Variants in BNC2 observed in about 807,000 individuals in gnomAD.
The protein encoded by BNC2 is basonuclin zinc finger protein 2.
A neutral mutation model predicts 76.3 loss-of-function variants in BNC2; 20 were observed. That is an observed-to-expected ratio of 0.26 (90% CI 0.18 to 0.38). The LOEUF is 0.38. Ranked by LOEUF, BNC2 falls within the 10% of genes least tolerant of loss-of-function variation. The pLI, the probability that BNC2 is intolerant of heterozygous loss-of-function variation, is 1.00. For synonymous variants in BNC2, 582 were observed against 514.8 expected (o/e 1.13, Z -1.77); for missense variants, 1,382 against 1,399.8 (o/e 0.99, Z 0.20).
intron 1 of BNC2, among the ~76,000 whole-genome samples, chr9:16,782,445 G>C (rs532979238): frequency 9.9e-5 from 15 of 152,216 alleles, no homozygotes; most frequent in African/African-American, 3.4e-4. Context: ...GAGCCAAAAT[G>C]AGAGTTCTAG....
At chr9:16,695,102 C>T (rs1353829905) in intron 3 of BNC2, among the ~76,000 whole-genome samples, 2 of 152,148 alleles carry the variant, frequency 1.3e-5, no homozygotes, top group East Asian at 3.9e-4. Context: ...ACATACTTTA[C>T]CCCTGAAACC....
chr9:16,586,702 A>G (rs1044526583), intron 3 of BNC2, among the ~76,000 whole-genome samples: 1 of 152,118 alleles, frequency 6.6e-6, no homozygotes, highest in Non-Finnish European at 1.5e-5. Flanking sequence ...CTACAGCTTC[A>G]AATATCACCA....
At chr9:16,774,574 A>T (rs1293757316) in intron 1 of BNC2, among the ~76,000 whole-genome samples, 1 of 152,216 alleles carries the variant, frequency 6.6e-6, no homozygotes, top group African/African-American at 2.4e-5. Flanking sequence ...CTCCATTGTG[A>T]TAAAACTTAC....
chr9:16,715,594 C>T (rs527389783), intron 3 of BNC2, among the ~76,000 whole-genome samples: 1 of 152,318 alleles, frequency 6.6e-6, no homozygotes, highest in South Asian at 2.1e-4. Context: ...CAGGAGATTT[C>T]ACATAAAAAT....
intron 1 of BNC2, among the ~76,000 whole-genome samples, chr9:16,853,866 T>C (rs1819189629): frequency 1.3e-5 from 2 of 152,136 alleles, no homozygotes; most frequent in African/African-American, 4.8e-5. Context: ...AGACTCTGTC[T>C]CAAAAAAATA....
intron 4 of BNC2, among the ~76,000 whole-genome samples, chr9:16,578,366 T>C (rs1819543515): frequency 6.6e-6 from 1 of 152,180 alleles, no homozygotes; most frequent in Non-Finnish European, 1.5e-5. Context: ...AACTTGCAAA[T>C]ATTAAACAAT....
At chr9:16,722,451 A>G (rs1190543352) in intron 3 of BNC2, among the ~76,000 whole-genome samples, 1 of 152,224 alleles carries the variant, frequency 6.6e-6, no homozygotes, top group East Asian at 1.9e-4. Flanking sequence ...GAATGTGAAT[A>G]TACACTCATA....
chr9:16,792,559 G>A (rs563797621), intron 1 of BNC2, among the ~76,000 whole-genome samples: 32 of 152,296 alleles, frequency 2.1e-4, no homozygotes, highest in African/African-American at 6.0e-4. Flanking sequence ...TGAGAAGCTA[G>A]AAAGACCATT....
Position 16,418,900 on chromosome 9 carries a change from C to CACACACAT in BNC2, c.*88_*89insATGTGTGT. The CACACACAT allele has an allele frequency of 7.1e-7, 1 of 1,417,084 alleles. No individual in the cohort carries two copies. Among genetic ancestry groups the CACACACAT allele is most frequent in the South Asian group, 1.2e-5 (1 of 86,194 alleles). 87.8% of individuals were successfully genotyped at this position (1,417,084 alleles called of 1,614,324 possible). On this transcript the variant is annotated 3_prime_UTR_variant, in exon 7 of 7. Coordinates refer to ENST00000380672, the MANE Select transcript of BNC2 (RefSeq NM_017637.6). ...ACACACACACACACACACACACACA[C>CACACACAT]CCCAAGTACATAAGCGCACACTGAC...
chr9:16,653,573 G>A lies in BNC2; in HGVS notation c.331-70488C>T, dbSNP rs145511253. Among the ~76,000 whole-genome samples the A allele has an allele frequency of 3.9e-5, 6 of 152,112 alleles. No individual in the cohort carries two copies. In the East Asian group the frequency reaches 7.8e-4, roughly 20 times the overall value. On this transcript the variant is annotated intron_variant, in intron 3 of 6. Coordinates refer to ENST00000380672, the MANE Select transcript of BNC2 (RefSeq NM_017637.6). ...ACAAGGAGCACTCTGGGGGCCTGGC[G>A]GGGGAAGTGTTTGGGAAACAGAAGG...
At chr9:16,623,033 G>A (rs555718331) in intron 3 of BNC2, among the ~76,000 whole-genome samples, 3 of 152,202 alleles carry the variant, frequency 2.0e-5, no homozygotes, top group Admixed American at 2.0e-4. Context: ...TAAAACAGGA[G>A]GAGAAGATTA....
intron 3 of BNC2, among the ~76,000 whole-genome samples, chr9:16,654,470 C>A (rs560803554): frequency 1.3e-5 from 2 of 152,222 alleles, no homozygotes; most frequent in Non-Finnish European, 2.9e-5. Flanking sequence ...GCATGCAGGT[C>A]CCAAATCCTC....
chr9:16,489,801 C>T (rs1313585234), intron 5 of BNC2, among the ~76,000 whole-genome samples: 1 of 152,160 alleles, frequency 6.6e-6, no homozygotes, highest in East Asian at 1.9e-4. Context: ...AAATTTCATA[C>T]ATATGTTCAG....
intron 3 of BNC2, among the ~76,000 whole-genome samples, chr9:16,634,511 T>C (rs1356588379): frequency 6.6e-6 from 1 of 151,064 alleles, no homozygotes; most frequent in Non-Finnish European, 1.5e-5. Context: ...TCTTTTTTTT[T>C]TTTTTTTTGA....
chr9:16,757,430 T>C (rs988839363), intron 1 of BNC2, among the ~76,000 whole-genome samples: 4 of 152,210 alleles, frequency 2.6e-5, no homozygotes, highest in African/African-American at 9.6e-5. Context: ...AACTCACTCA[T>C]GCCCTGGCGC....
intron 1 of BNC2, among the ~76,000 whole-genome samples, chr9:16,797,768 C>G (rs1295943572): frequency 6.6e-6 from 1 of 152,002 alleles, no homozygotes; most frequent in Admixed American, 6.6e-5. Flanking sequence ...ATATCCCCAC[C>G]AAAAGTTGCC....
intron 5 of BNC2, among the ~76,000 whole-genome samples, chr9:16,536,867 T>C (rs1818145457): frequency 6.6e-6 from 1 of 152,156 alleles, no homozygotes; most frequent in Admixed American, 6.5e-5. Context: ...CAGTTTTTAT[T>C]ACCTGTTTGT....
Position 16,527,592 on chromosome 9 carries a change from C to A in BNC2, c.669+24938G>T, listed in dbSNP as rs536031968. 2.6e-5 allele frequency among the ~76,000 whole-genome samples: 4 copies of A among 152,292 alleles called. No homozygotes were observed. The East Asian group carries it at 7.7e-4, about 29-fold the overall frequency. On this transcript the variant is annotated intron_variant, in intron 5 of 6. Transcript: ENST00000380672. ...CATAAGCTTCAATAGCAGGCCAGAGCACCACTTTTCTGTGAACGACAACTG... is the reference window on the plus strand; with the variant it reads ...CATAAGCTTCAATAGCAGGCCAGAGAACCACTTTTCTGTGAACGACAACTG...
intron 1 of BNC2, among the ~76,000 whole-genome samples, chr9:16,747,099 C>T (rs749978352): frequency 4.6e-5 from 7 of 151,986 alleles, no homozygotes; most frequent in African/African-American, 1.2e-4. Flanking sequence ...AAGTATACTA[C>T]GAAAGTACAG....
Sources: gnomAD v4.1 joint callset for allele counts (sites outside exome capture counted in the v4.1 genomes callset) on GRCh38, gnomAD v4.1.1 for gene constraint, MANE v1.5 for transcripts, NCBI Gene and HGNC (gene_info 2026-07-23, HGNC 2026-07-21) for gene names.